GREB1L: variants seen among roughly 807,000 people sequenced by gnomAD.
GREB1L encodes GREB1 like retinoic acid receptor coactivator, also known as GREB1-like protein.
Under a neutral mutation model 200.8 loss-of-function variants are expected in GREB1L, and 17 were observed. The ratio of observed to expected loss-of-function variants is 0.08; its 90% CI spans 0.06 to 0.13. The LOEUF (loss-of-function observed/expected upper bound fraction) is 0.13. Among genes scored for constraint, GREB1L ranks in the 10% least tolerant of loss-of-function variants. GREB1L has a pLI of 1.00. For missense variants in GREB1L, 1,657 were observed against 2,367.7 expected (o/e 0.70, Z 6.23); for synonymous variants, 789 against 893.0 (o/e 0.88, Z 2.08).
chr18:21,392,382 C>T (rs2040860451), intron 4 of GREB1L, among the ~76,000 whole-genome samples: 1 of 151,838 alleles, frequency 6.6e-6, no homozygotes, highest in Non-Finnish European at 1.5e-5. Context: ...TCCATGTATC[C>T]ATAGGCTCCA....
chr18:21,493,448 CAGG>C (rs2036418103), intron 19 of GREB1L, among the ~76,000 whole-genome samples: 1 of 152,150 alleles, frequency 6.6e-6, no homozygotes, highest in Non-Finnish European at 1.5e-5. Flanking sequence ...GATTGATGCA[CAGG>C]AGAACTGCAG....
intron 4 of GREB1L, among the ~76,000 whole-genome samples, chr18:21,389,398 CTTTTT>C (rs11302945): frequency 7.9e-6 from 1 of 126,252 alleles, no homozygotes; most frequent in Admixed American, 8.1e-5. Context: ...AACCTCTTGA[CTTTTT>C]TTTTTTTAAG....
At chr18:21,504,222 C>A (rs970765045) in intron 23 of GREB1L, among the ~76,000 whole-genome samples, 1 of 152,164 alleles carries the variant, frequency 6.6e-6, no homozygotes, top group Non-Finnish European at 1.5e-5. Context: ...CCATGTCCAG[C>A]GTGTCTTGGC....
chr18:21,403,777 C>A, intron 6 of GREB1L, 95 bp from the exon 7 acceptor site: 1 of 1,043,944 alleles, frequency 9.6e-7, no homozygotes, highest in Non-Finnish European at 1.4e-6. Context: ...TAAGGAGCAG[C>A]GATTTAATTT....
rs551362266 is a variant in GREB1L, at chr18:21,519,061, T to C, written c.5472+827T>C. On this transcript the variant is annotated intron_variant, in intron 31 of 32. Transcript: ENST00000424526. ...CAGTTTTGGAAACTAATTTTTAAAA[T>C]TTCACAGTGTAAACATTTTACATTC... Among the ~76,000 whole-genome samples, 12 of 152,352 alleles carry C rather than the reference T, an allele frequency of 7.9e-5. No individual in the cohort carries two copies. The East Asian group carries it at 2.1e-3, about 27-fold the overall frequency.
chr18:21,458,728 A>G (rs1482130731), intron 15 of GREB1L, among the ~76,000 whole-genome samples: 1 of 152,216 alleles, frequency 6.6e-6, no homozygotes, highest in Non-Finnish European at 1.5e-5. Flanking sequence ...AAAAAAAGAA[A>G]TGGAGCGGGT....
chr18:21,361,839 CT>C (rs1188864074), intron 1 of GREB1L, among the ~76,000 whole-genome samples: 1 of 152,044 alleles, frequency 6.6e-6, no homozygotes, highest in Non-Finnish European at 1.5e-5. Flanking sequence ...TTAATTGGAT[CT>C]TTTTTTGAGC....
chr18:21,336,545 TA>T (rs934955230), intron 1 of GREB1L, among the ~76,000 whole-genome samples: 45 of 152,216 alleles, frequency 3.0e-4, no homozygotes, highest in African/African-American at 1.1e-3. Flanking sequence ...CTATTAGTAG[TA>T]AAGCAACAGG....
chr18:21,451,167 A>C lies in GREB1L; in HGVS notation c.1849+16A>C, dbSNP rs1409200649. 2 of 1,550,702 alleles carry C rather than the reference A, an allele frequency of 1.3e-6. No individual in the cohort carries two copies. Among genetic ancestry groups the C allele is most frequent in the Non-Finnish European group, 8.7e-7 (1 of 1,146,208 alleles). On this transcript the variant is annotated intron_variant, in intron 13 of 32. Coordinates refer to ENST00000424526, the MANE Select transcript of GREB1L (RefSeq NM_001142966.3). ...ACATCATTAGGTGAGTGGTTGTAAG[A>C]TTTGGCAACACTGGCAGCCCCTAGT...
At chr18:21,520,238 G>C (rs1382853136) in intron 31 of GREB1L, among the ~76,000 whole-genome samples, 2 of 152,152 alleles carry the variant, frequency 1.3e-5, no homozygotes, top group East Asian at 3.9e-4. Flanking sequence ...ACCGCACCCA[G>C]CCCATGCACT....
At chr18:21,442,023 G>C (rs2033929408) in intron 10 of GREB1L, among the ~76,000 whole-genome samples, 1 of 152,190 alleles carries the variant, frequency 6.6e-6, no homozygotes, top group Non-Finnish European at 1.5e-5. Flanking sequence ...AAACCACAAA[G>C]AAATGAAACA....
intron 1 of GREB1L, among the ~76,000 whole-genome samples, chr18:21,347,762 C>CTTTT (rs761498957): frequency 8.8e-6 from 1 of 114,274 alleles, no homozygotes; most frequent in African/African-American, 3.8e-5. Flanking sequence ...GCCCCCCGAC[C>CTTTT]TTTTTTTTTT....
At chr18:21,266,475 G>A (rs763708370) in intron 1 of GREB1L, among the ~76,000 whole-genome samples, 2 of 152,182 alleles carry the variant, frequency 1.3e-5, no homozygotes. Context: ...GGATTTTGTG[G>A]TGAGCCTTGG....
At chr18:21,276,933 T>TG (rs918731148) in intron 1 of GREB1L, among the ~76,000 whole-genome samples, 10 of 145,408 alleles carry the variant, frequency 6.9e-5, no homozygotes, top group Non-Finnish European at 9.1e-5. Context: ...CCTTTTTTTT[T>TG]TTTTTTTTTT....
intron 4 of GREB1L, among the ~76,000 whole-genome samples, chr18:21,393,300 T>G (rs573705044): frequency 1.2e-4 from 19 of 152,170 alleles, no homozygotes; most frequent in Non-Finnish European, 2.4e-4. Flanking sequence ...AAATAGCGTT[T>G]TTTTCCCTGT....
At chr18:21,268,560 CAT>C (rs370094258) in intron 1 of GREB1L, among the ~76,000 whole-genome samples, 2,394 of 63,262 alleles carry the variant, frequency 0.038, 44 homozygotes, top group East Asian at 0.096. Flanking sequence ...CACACACACA[CAT>C]ATATATATAT....
Position 21,325,003 on chromosome 18 carries a change from T to C in GREB1L, c.-119-41024T>C, listed in dbSNP as rs75476149. Among the ~76,000 whole-genome samples, 56 of 152,350 alleles carry C rather than the reference T, an allele frequency of 3.7e-4. No homozygotes were observed. The East Asian group carries it at 9.1e-3, about 25-fold the overall frequency. On this transcript the variant is annotated intron_variant, in intron 1 of 32. Transcript: ENST00000424526. ...TAATTTAATACCCAGGATTGCCTTT[T>C]CATTGCTCTCAAGACACTTAACTGG...
In GREB1L at chr18:21,427,876, G is replaced by GT. The variant is rs1462003640; in HGVS notation, c.833-11643dup. On this transcript the variant is annotated intron_variant, in intron 7 of 32. Transcript: ENST00000424526. ...ACCCTAGATAGAACTTCTTGTACAT[G>GT]TTAAATAGAAGCGGCAAGAGTGGAC... 3.9e-5 allele frequency among the ~76,000 whole-genome samples: 6 copies of GT among 152,228 alleles called. No homozygotes were observed. In the East Asian group the frequency reaches 1.2e-3, roughly 29 times the overall value.
chr18:21,340,412 T>G (rs1034515176), intron 1 of GREB1L, among the ~76,000 whole-genome samples: 25 of 151,532 alleles, frequency 1.6e-4, no homozygotes, highest in African/African-American at 5.6e-4. Flanking sequence ...AGAGCGAGAC[T>G]CCGTCTCAAA....
Sources: allele counts gnomAD v4.1 joint callset (sites outside exome capture counted in the v4.1 genomes callset), GRCh38; gene constraint gnomAD v4.1.1; transcripts MANE v1.5; gene names NCBI Gene and HGNC (gene_info 2026-07-23, HGNC 2026-07-21).